Variants in DISC1 observed in about 807,000 individuals in gnomAD.
DISC1 encodes the protein disrupted in schizophrenia 1 protein.
In DISC1, 57 loss-of-function variants were observed where a neutral mutation model predicts 84.5. The ratio of observed to expected loss-of-function variants is 0.67; its 90% CI spans 0.55 to 0.84. DISC1 has a LOEUF of 0.84. Among genes scored for constraint, DISC1 ranks in the 40% least tolerant of loss-of-function variants. DISC1 has a pLI of 0.00. For missense variants in DISC1, 1,000 were observed against 1,057.8 expected, an observed-to-expected ratio of 0.95 and a Z score of 0.76; for synonymous variants, 411 against 415.2, an observed-to-expected ratio of 0.99 and a Z score of 0.12.
chr1:231,971,196 T>C (rs1661903692), intron 10 of DISC1, among the ~76,000 whole-genome samples: 1 of 152,216 alleles, frequency 6.6e-6, no homozygotes, highest in African/African-American at 2.4e-5. Context: ...TAGGAAATCT[T>C]AAAGAAAAAT....
At chr1:231,671,660 AT>A in intron 1 of DISC1, among the ~76,000 whole-genome samples, 1 of 152,262 alleles carries the variant, frequency 6.6e-6, no homozygotes, top group South Asian at 2.1e-4. Context: ...TTTTATCCAC[AT>A]TTTACAGTAT....
chr1:232,026,755 CT>C lies in DISC1; in HGVS notation c.2425+209del, dbSNP rs1304190024. Among the ~76,000 whole-genome samples, 4 of 120,418 alleles carry C rather than the reference CT, an allele frequency of 3.3e-5. No individual in the cohort carries two copies. The East Asian group carries it at 1.0e-3, about 30-fold the overall frequency. 79.0% of individuals were successfully genotyped at this position (120,418 alleles called of 152,430 possible). ...CAGTAAGCAATTCAGTATTTTTTTT[CT>C]TTTTTCTTTTTTTTTTTTTTTTTTT... On this transcript the variant is annotated intron_variant, in intron 12 of 12. Transcript: ENST00000439617.
rs72762366 is a variant in DISC1 at position 232,018,278 on chromosome 1, A to G, written c.2308-8157A>G. Among the ~76,000 whole-genome samples, 554 of 152,330 alleles carry G rather than the reference A, an allele frequency of 3.6e-3. 1 individual carries two copies. Among genetic ancestry groups the G allele is most frequent in the Non-Finnish European group, 5.8e-3 (394 of 68,022 alleles). On this transcript the variant is annotated intron_variant, in intron 11 of 12. Coordinates refer to ENST00000439617, the MANE Select transcript of DISC1 (RefSeq NM_018662.3). ...TCATAATATATTCCCTACCCTTTGA[A>G]TATAAGCTCCAGTTCTAAAATTTTA...
At chr1:231,907,249 G>A (rs2088808078) in intron 9 of DISC1, among the ~76,000 whole-genome samples, 1 of 151,366 alleles carries the variant, frequency 6.6e-6, no homozygotes, top group African/African-American at 2.4e-5. Flanking sequence ...CATGTGCCAT[G>A]TTGGTGTGCT....
At chr1:231,754,543 A>G (rs1288839115) in intron 4 of DISC1, among the ~76,000 whole-genome samples, 1 of 152,190 alleles carries the variant, frequency 6.6e-6, no homozygotes, top group Admixed American at 6.5e-5. Context: ...ATCCATCCCC[A>G]TGATTTAATC....
chr1:231,759,542 A>C (rs1275504355), intron 4 of DISC1, among the ~76,000 whole-genome samples: 6 of 150,182 alleles, frequency 4.0e-5, no homozygotes, highest in Admixed American at 6.7e-5. Flanking sequence ...AAAAAAAAAA[A>C]AAAAAAAAAC....
At chr1:231,914,320 G>T (rs1193273605) in intron 9 of DISC1, among the ~76,000 whole-genome samples, 1 of 152,228 alleles carries the variant, frequency 6.6e-6, no homozygotes, top group Non-Finnish European at 1.5e-5. Flanking sequence ...TGGAAACCCT[G>T]TCTGCAAGCG....
At chr1:231,769,139 C>T (rs1170837399) in intron 5 of DISC1, among the ~76,000 whole-genome samples, 1 of 152,098 alleles carries the variant, frequency 6.6e-6, no homozygotes, top group Non-Finnish European at 1.5e-5. Context: ...CATGATCTGA[C>T]CACATTGTAA....
At chr1:231,643,666 A>G (rs2059907387) in intron 1 of DISC1, among the ~76,000 whole-genome samples, 1 of 152,204 alleles carries the variant, frequency 6.6e-6, no homozygotes, top group Non-Finnish European at 1.5e-5. Flanking sequence ...TATTAAGCAT[A>G]TGACTGGGAA....
At chr1:231,779,549 GTTTTTTTT>G (rs762129889) in intron 6 of DISC1, among the ~76,000 whole-genome samples, 18 of 53,580 alleles carry the variant, frequency 3.4e-4, no homozygotes, top group African/African-American at 1.1e-3. Flanking sequence ...ACCTATTCTT[GTTTTTTTT>G]TTTTTTTTTT....
At chr1:231,741,531 CTG>C (rs2125266433) in intron 3 of DISC1, among the ~76,000 whole-genome samples, 1 of 152,344 alleles carries the variant, frequency 6.6e-6, no homozygotes, top group African/African-American at 2.4e-5. Context: ...ATGACCAACA[CTG>C]TGTCATGGCG....
At chr1:231,722,907 T>C in intron 3 of DISC1, 1 of 1,295,092 alleles carries the variant, frequency 7.7e-7, no homozygotes, top group Non-Finnish European at 9.8e-7. Context: ...TTGGGACAAT[T>C]AGATTTTTGT....
At chr1:231,784,214 G>T (rs534473701) in intron 6 of DISC1, among the ~76,000 whole-genome samples, 23 of 150,258 alleles carry the variant, frequency 1.5e-4, no homozygotes, top group Non-Finnish European at 3.1e-4. Context: ...AGTAAACCGA[G>T]ATCGCACCAT....
chr1:231,896,443 C>T (rs948687186), intron 9 of DISC1, among the ~76,000 whole-genome samples: 6 of 152,184 alleles, frequency 3.9e-5, no homozygotes, highest in African/African-American at 1.4e-4. Flanking sequence ...CCGATTCTGA[C>T]ACTTTTGAAA....
chr1:231,965,013 A>G (rs1202613255), intron 10 of DISC1, among the ~76,000 whole-genome samples: 3 of 152,232 alleles, frequency 2.0e-5, no homozygotes, highest in Non-Finnish European at 4.4e-5. Context: ...AATTCAAATG[A>G]TAGCACTATC....
At position 231,629,213 on chromosome 1, in the gene DISC1, C is replaced by A. The variant is rs780310621; in HGVS notation, c.67+2279C>A. Among the ~76,000 whole-genome samples the A allele has an allele frequency of 4.3e-4, 65 of 152,166 alleles. 1 individual carries two copies. Among genetic ancestry groups the A allele is most frequent in the Middle Eastern group, 3.2e-3 (1 of 316 alleles). ...AAAAGTTATTAAAACATTGAAAGAA[C>A]AGGTTGCAAGATCTCATCACAAATC... On this transcript the variant is annotated intron_variant, in intron 1 of 12. Transcript: ENST00000439617.
intron 1 of DISC1, among the ~76,000 whole-genome samples, chr1:231,693,250 G>A (rs2065259578): frequency 6.6e-6 from 1 of 152,194 alleles, no homozygotes; most frequent in African/African-American, 2.4e-5. Context: ...CATCAAGCAG[G>A]CCTCCTGTCA....
chr1:231,914,653 C>T (rs1288552009), intron 9 of DISC1, among the ~76,000 whole-genome samples: 5 of 152,180 alleles, frequency 3.3e-5, no homozygotes, highest in Admixed American at 6.5e-5. Flanking sequence ...GTGGCACATC[C>T]GTCCCCGTGA....
At chr1:231,810,637 C>G (rs1558585433) in intron 8 of DISC1, among the ~76,000 whole-genome samples, 1 of 152,066 alleles carries the variant, frequency 6.6e-6, no homozygotes, top group Non-Finnish European at 1.5e-5. Context: ...TGGAAAAAGG[C>G]GAAGGCTTCA....
Sources: allele counts gnomAD v4.1 joint callset (sites outside exome capture counted in the v4.1 genomes callset), GRCh38; gene constraint gnomAD v4.1.1; transcripts MANE v1.5; gene names NCBI Gene and HGNC (gene_info 2026-07-23, HGNC 2026-07-21).